The following TSPAN4 variants were observed in gnomAD, a reference collection of about 807,000 sequenced individuals.
TSPAN4 encodes the protein tetraspanin 4.
TSPAN4 carries 38 observed loss-of-function variants against 31.5 expected under a neutral mutation model. That is an observed-to-expected ratio of 1.21 (90% CI 0.93 to 1.58). The LOEUF (loss-of-function observed/expected upper bound fraction) is 1.58. TSPAN4 is among the 40% of genes most tolerant of loss of function. TSPAN4 has a pLI of 0.00. For missense variants in TSPAN4, 330 were observed against 317.3 expected, an observed-to-expected ratio of 1.04 and a Z score of -0.30; for synonymous variants, 186 against 144.6, an observed-to-expected ratio of 1.29 and a Z score of -2.06.
At chr11:860,316 C>T (rs1161692340) in intron 3 of TSPAN4, among the ~76,000 whole-genome samples, 4 of 152,240 alleles carry the variant, frequency 2.6e-5, no homozygotes, top group Admixed American at 6.5e-5. Flanking sequence ...AATCTTGGGG[C>T]ACCAGCAGCC....
intron 1 of TSPAN4, among the ~76,000 whole-genome samples, chr11:846,009 G>A (rs975951942): frequency 6.6e-6 from 1 of 152,214 alleles, no homozygotes; most frequent in African/African-American, 2.4e-5. Context: ...GGCCCCGCAG[G>A]GGCTGAGGCA....
At chr11:854,189 C>T (rs1321197796) in intron 3 of TSPAN4, among the ~76,000 whole-genome samples, 1 of 152,226 alleles carries the variant, frequency 6.6e-6, no homozygotes, top group Admixed American at 6.5e-5. Context: ...CTCCCGCCCT[C>T]CTGGCCTCGG....
At chr11:857,053 AGTGT>A (rs1395395323) in intron 3 of TSPAN4, 1 of 151,766 alleles carries the variant, frequency 6.6e-6, no homozygotes, top group Non-Finnish European at 1.5e-5. Flanking sequence ...TGTCTGTCAC[AGTGT>A]GTGTGACCGA....
In TSPAN4 at chr11:850,349, C is replaced by T. The variant is rs1348105625; in HGVS notation, c.45C>T (p.Ala15=). 2 of 1,605,332 alleles carry T rather than the reference C, an allele frequency of 1.2e-6. No individual in the cohort carries two copies. The highest frequency in any genetic ancestry group is 1.3e-5 in the African/African-American group (1 of 74,882). ...AGGCCGTCAAGTACCTCATGTTCGC[C>T]TTCAACCTGCTCTTCTGGGTGAGTC... ...CLQAVKYLMF[A]FNLLFWLGGC... The change falls in exon 3 of 9, where the codon GCC becomes GCT. Residue 15 remains alanine (A), a synonymous_variant. Transcript: ENST00000397397.
chr11:850,181 C>T (rs1378365605), intron 2 of TSPAN4, 107 bp from the exon 3 acceptor site: 2 of 919,542 alleles, frequency 2.2e-6, no homozygotes, highest in Non-Finnish European at 1.6e-6. Context: ...CCTTCTTCGG[C>T]CTGCACGCGA....
rs376247114 is a variant in TSPAN4, at chr11:865,988, C to T, written c.635C>T (p.Thr212Met). 26 of 1,612,002 alleles carry T rather than the reference C, an allele frequency of 1.6e-5. No individual in the cohort carries two copies. The highest frequency in any genetic ancestry group is 1.3e-4 in the African/African-American group (10 of 74,900). Residue 212 changes from threonine to methionine, a missense_variant, in exon 8 of 9, where the codon ACG (threonine) becomes ATG (methionine). Coordinates refer to ENST00000397397, the MANE Select transcript of TSPAN4 (RefSeq NM_003271.5). ...GCTGTGGGCATCTTTGGGCTGTGCA[C>T]GGCGCTGGTGCAGGTATGGCCTGGG... Reference protein sequence around the residue: ...LLAVGIFGLCTALVQILGLTF... With the variant: ...LLAVGIFGLCMALVQILGLTF...
intron 3 of TSPAN4, among the ~76,000 whole-genome samples, chr11:852,790 G>GCCT (rs961009313): frequency 4.6e-5 from 7 of 151,210 alleles, no homozygotes; most frequent in Admixed American, 1.3e-4. Context: ...ATACAACCTG[G>GCCT]CCTCCTCCTC....
intron 3 of TSPAN4, among the ~76,000 whole-genome samples, chr11:852,864 G>C (rs1427381050): frequency 6.6e-6 from 1 of 150,648 alleles, no homozygotes; most frequent in East Asian, 2.0e-4. Flanking sequence ...ACGTCCCCCC[G>C]GCGGGACCTC....
chr11:858,513 CCGGATCCCACCCCCG>C, intron 3 of TSPAN4: 1 of 176,590 alleles, frequency 5.7e-6, no homozygotes, highest in Non-Finnish European at 1.2e-5. Context: ...CACATGCACC[CCGGATCCCACCCCCG>C]CTGACACTCA....
intron 1 of TSPAN4, among the ~76,000 whole-genome samples, chr11:845,768 C>T (rs1391862988): frequency 6.6e-6 from 1 of 152,128 alleles, no homozygotes; most frequent in Admixed American, 6.5e-5. Flanking sequence ...GGGTTAGCCT[C>T]GGTGGTCCCA....
chr11:853,909 G>T (rs1003875171), intron 3 of TSPAN4, among the ~76,000 whole-genome samples: 2 of 152,212 alleles, frequency 1.3e-5, no homozygotes, highest in Non-Finnish European at 2.9e-5. Context: ...TGCAGGGCCC[G>T]TGAGCCTGAG....
At chr11:864,670 G>A (rs1001526922) in intron 5 of TSPAN4, 159 bp downstream of exon 5, 19 of 853,548 alleles carry the variant, frequency 2.2e-5, no homozygotes, top group Non-Finnish European at 3.5e-5. Flanking sequence ...GAGGGGCAGC[G>A]CCAGCGACCC....
rs1847367595 is a variant in TSPAN4 at position 847,185 on chromosome 11, A to T, written c.-117-16A>T. 6.6e-6 allele frequency: 1 copy of T among 152,116 alleles called. No homozygotes were observed. The highest frequency in any genetic ancestry group is 2.4e-5 in the African/African-American group (1 of 41,386). The allele number at this position is 152,116 out of a possible 1,614,324, so 9.4% of individuals were successfully genotyped here. A position where few individuals can be genotyped will look rare whatever the true frequency, so the allele number is the denominator to read the frequency against. ...TGGAAGCCAGGGCTCCACTCTGCCC[A>T]TCTTTCCTTTTGCAGAGCTTGGGGC... is the stretch of plus-strand genomic sequence containing the variant. On this transcript the variant is annotated splice_polypyrimidine_tract_variant and intron_variant, in intron 1 of 8. Transcript: ENST00000397397.
At position 866,505 on chromosome 11, in the gene TSPAN4, G is replaced by GGCTTGAGGCC. The variant is rs1554996481; in HGVS notation, c.649-56_649-47dup. On this transcript the variant is annotated intron_variant, in intron 8 of 8. Transcript: ENST00000397397. ...CCTGCTGAGGACAGGGACTGCTCTG[G>GGCTTGAGGCC]GCTTGAGGCCTGAGCCTGTGGAGCT... is the stretch of plus-strand genomic sequence containing the variant. 3 of 1,564,838 alleles carry GGCTTGAGGCC rather than the reference G, an allele frequency of 1.9e-6. No individual in the cohort carries two copies. In the Admixed American group the frequency reaches 5.2e-5, roughly 27 times the overall value.
intron 1 of TSPAN4, chr11:844,117 A>T (rs1238879781): frequency 2.0e-5 from 3 of 152,266 alleles, no homozygotes; most frequent in Admixed American, 6.5e-5. Context: ...AGGGCAGGAC[A>T]GGGGCCCTGA....
chr11:844,714 G>GC (rs1051589394), intron 1 of TSPAN4: 5 of 152,140 alleles, frequency 3.3e-5, no homozygotes, highest in African/African-American at 1.2e-4. Context: ...TCTGGGGGGG[G>GC]GGGTCTGGGA....
intron 3 of TSPAN4, 45 bp from the exon 4 acceptor site, chr11:862,505 T>TGGG: frequency 6.5e-7 from 1 of 1,526,908 alleles, no homozygotes; most frequent in Non-Finnish European, 8.8e-7. Flanking sequence ...AGAGCTTGCA[T>TGGG]TGGGGCCTCA....
intron 3 of TSPAN4, among the ~76,000 whole-genome samples, chr11:856,556 C>T (rs1176689627): frequency 1.3e-5 from 2 of 152,126 alleles, no homozygotes; most frequent in Admixed American, 6.5e-5. Flanking sequence ...GTCTGGCCTG[C>T]GGCGGGGCAG....
chr11:843,459 C>G (rs1267211189), intron 1 of TSPAN4: 1 of 152,204 alleles, frequency 6.6e-6, no homozygotes, highest in Non-Finnish European at 1.5e-5. Flanking sequence ...GGAAGAGGTG[C>G]TTTTTGAGCT....
Sources: allele counts gnomAD v4.1 joint callset (sites outside exome capture counted in the v4.1 genomes callset), GRCh38; gene constraint gnomAD v4.1.1; transcripts MANE v1.5; gene names NCBI Gene and HGNC (gene_info 2026-07-23, HGNC 2026-07-21).